DAB1: variants seen among roughly 807,000 people sequenced by gnomAD.
DAB1 encodes DAB adaptor protein 1.
DAB1 carries 15 observed loss-of-function variants against 64.6 expected under a neutral mutation model. The observed-to-expected ratio is 0.23, with a 90% CI of 0.16 to 0.36. The LOEUF (loss-of-function observed/expected upper bound fraction) is 0.36. Ranked by LOEUF, DAB1 falls within the 10% of genes least tolerant of loss-of-function variation. The probability of loss-of-function intolerance (pLI) is 1.00; values close to 1 mark genes in which losing one functional copy is unlikely to be tolerated. For synonymous variants in DAB1, 235 were observed against 251.9 expected (o/e 0.93, Z 0.64); for missense variants, 596 against 706.7 (o/e 0.84, Z 1.78).
At chr1:57,579,204 T>C (rs775254128) in intron 7 of DAB1, among the ~76,000 whole-genome samples, 2 of 152,236 alleles carry the variant, frequency 1.3e-5, no homozygotes, top group Non-Finnish European at 2.9e-5. Context: ...GACTGAGAGC[T>C]AAAGTATAGA....
chr1:57,860,175 C>T (rs1653946676), intron 1 of DAB1, among the ~76,000 whole-genome samples: 1 of 152,062 alleles, frequency 6.6e-6, no homozygotes, highest in African/African-American at 2.4e-5. Context: ...ACGAATGTAA[C>T]ACATAGAAAA....
intron 4 of DAB1, among the ~76,000 whole-genome samples, chr1:58,192,447 G>A (rs974959035): frequency 7.2e-5 from 11 of 151,912 alleles, no homozygotes; most frequent in African/African-American, 2.4e-4. Flanking sequence ...AGTCTTCAAT[G>A]TCTATTATTC....
intron 3 of DAB1, among the ~76,000 whole-genome samples, chr1:58,490,736 C>T (rs1310303804): frequency 2.0e-5 from 3 of 146,952 alleles, no homozygotes; most frequent in East Asian, 2.0e-4. Context: ...AGACTAACAG[C>T]GGATCTCTCA....
At chr1:57,154,513 A>C (rs528691287) in intron 2 of DAB1, among the ~76,000 whole-genome samples, 84 of 152,358 alleles carry the variant, frequency 5.5e-4, no homozygotes, top group African/African-American at 1.9e-3. Flanking sequence ...ATGAGAGTGC[A>C]GATATCTCTT....
chr1:57,974,727 C>CTGGTATGGAAGA (rs1645878456), intron 5 of DAB1, among the ~76,000 whole-genome samples: 1 of 152,074 alleles, frequency 6.6e-6, no homozygotes, highest in East Asian at 1.9e-4. Context: ...GCACATATAT[C>CTGGTATGGAAGA]TTCCATACCA....
intron 6 of DAB1, among the ~76,000 whole-genome samples, chr1:57,775,596 C>T (rs1019141074): frequency 6.6e-6 from 1 of 151,430 alleles, no homozygotes; most frequent in African/African-American, 2.4e-5. Flanking sequence ...TGATAGAGAA[C>T]AGAGAACCTT....
In DAB1 at chr1:57,052,170, C is replaced by T. The variant is rs61561317; in HGVS notation, c.723+10714G>A. On this transcript the variant is annotated intron_variant, in intron 9 of 14. Coordinates refer to ENST00000371236, the MANE Select transcript of DAB1 (RefSeq NM_001365792.1). Reference sequence around the variant, plus strand: ...GGCGGGGGGAAGCTGAATCAAGAGCCGAGGCTGTCCACAGCATACAGCAGA... The same window carrying T: ...GGCGGGGGGAAGCTGAATCAAGAGCTGAGGCTGTCCACAGCATACAGCAGA... Among the ~76,000 whole-genome samples the T allele has an allele frequency of 5.3e-3, 811 of 151,986 alleles. 9 individuals carry two copies. Among genetic ancestry groups the T allele is most frequent in the African/African-American group, 0.019 (768 of 41,430 alleles).
chr1:57,836,422 C>T (rs958873746), intron 1 of DAB1, among the ~76,000 whole-genome samples: 5 of 152,204 alleles, frequency 3.3e-5, no homozygotes, highest in African/African-American at 4.8e-5. Context: ...AGCCACTCGT[C>T]ATCCTATCTC....
intron 7 of DAB1, among the ~76,000 whole-genome samples, chr1:57,566,867 T>C (rs1291783571): frequency 6.6e-6 from 1 of 152,208 alleles, no homozygotes; most frequent in African/African-American, 2.4e-5. Flanking sequence ...GCTGGTACCA[T>C]TCCTTCTGAA....
At chr1:58,057,793 A>T (rs1185347688) in intron 5 of DAB1, among the ~76,000 whole-genome samples, 1 of 152,074 alleles carries the variant, frequency 6.6e-6, no homozygotes, top group Non-Finnish European at 1.5e-5. Flanking sequence ...ACATATACCC[A>T]CCAACTCCAC....
At chr1:57,069,204 T>C (rs531945614) in intron 8 of DAB1, among the ~76,000 whole-genome samples, 156 bp downstream of exon 8, 3 of 152,184 alleles carry the variant, frequency 2.0e-5, no homozygotes, top group Non-Finnish European at 4.4e-5. Context: ...GCATGAAAAC[T>C]ACTGGTAAAT....
At chr1:58,407,418 TG>T (rs1195899808) in intron 3 of DAB1, among the ~76,000 whole-genome samples, 2 of 152,220 alleles carry the variant, frequency 1.3e-5, no homozygotes, top group East Asian at 3.9e-4. Flanking sequence ...TTAGCATGGA[TG>T]GATATTTGCT....
chr1:58,050,434 A>G (rs1397218068), intron 5 of DAB1, among the ~76,000 whole-genome samples: 1 of 152,214 alleles, frequency 6.6e-6, no homozygotes, highest in South Asian at 2.1e-4. Context: ...TTTGGACTAG[A>G]CATATGGTAG....
intron 1 of DAB1, among the ~76,000 whole-genome samples, chr1:57,297,472 G>T (rs947265027): frequency 4.6e-5 from 7 of 151,916 alleles, no homozygotes; most frequent in African/African-American, 1.7e-4. Context: ...AGATGATTCA[G>T]AAAAAACACA....
intron 4 of DAB1, among the ~76,000 whole-genome samples, chr1:57,075,344 G>T (rs898556432): frequency 6.6e-6 from 1 of 152,156 alleles, no homozygotes; most frequent in African/African-American, 2.4e-5. Flanking sequence ...ATACTGTCTT[G>T]CAGAGTGTAG....
chr1:58,346,487 C>T (rs1643998664), intron 3 of DAB1, among the ~76,000 whole-genome samples: 1 of 152,210 alleles, frequency 6.6e-6, no homozygotes. Flanking sequence ...AAATAACATC[C>T]TACATGGTAG....
At chr1:58,206,006 T>C (rs1446307336) in intron 4 of DAB1, among the ~76,000 whole-genome samples, 3 of 152,194 alleles carry the variant, frequency 2.0e-5, no homozygotes, top group Non-Finnish European at 2.9e-5. Flanking sequence ...TTTGTATATA[T>C]TACTTCTGTG....
Position 58,214,251 on chromosome 1 carries a change from T to C in DAB1, n.310-63663A>G, listed in dbSNP as rs546624118. On this transcript the variant is annotated intron_variant and non_coding_transcript_variant, in intron 4 of 20. Transcript: ENST00000485760. ...TCTCCTCTTTCAGTTGGGTAACTTC[T>C]TCATGAAGCCTCTGAACTAGACGCC... 7.2e-5 allele frequency among the ~76,000 whole-genome samples: 11 copies of C among 152,324 alleles called. No homozygotes were observed. The East Asian group carries it at 2.1e-3, about 29-fold the overall frequency.
At chr1:58,131,502 G>C (rs1446192037) in intron 5 of DAB1, among the ~76,000 whole-genome samples, 1 of 146,268 alleles carries the variant, frequency 6.8e-6, no homozygotes, top group Admixed American at 6.7e-5. Context: ...TGCTGGTGAG[G>C]AACTGCGTTC....
Sources: allele counts gnomAD v4.1 joint callset (sites outside exome capture counted in the v4.1 genomes callset), GRCh38; gene constraint gnomAD v4.1.1; transcripts MANE v1.5; gene names NCBI Gene and HGNC (gene_info 2026-07-23, HGNC 2026-07-21).